PRUNE2: variants seen among roughly 807,000 people sequenced by gnomAD.
The protein encoded by PRUNE2 is prune homolog 2 with BCH domain, also known as protein prune homolog 2.
PRUNE2 carries 164 observed loss-of-function variants against 252.0 expected under a neutral mutation model. The observed-to-expected ratio is 0.65, with a 90% CI of 0.57 to 0.74. PRUNE2 has a LOEUF of 0.74. Among genes scored for constraint, PRUNE2 ranks in the 30% least tolerant of loss-of-function variants. The pLI is 0.00. For synonymous variants in PRUNE2, 1,292 were observed against 1,350.2 expected, an observed-to-expected ratio of 0.96 and a Z score of 0.94; for missense variants, 3,495 against 3,711.0, an observed-to-expected ratio of 0.94 and a Z score of 1.51.
intron 6 of PRUNE2, among the ~76,000 whole-genome samples, chr9:76,752,369 T>A (rs544858549): frequency 1.4e-4 from 21 of 152,230 alleles, no homozygotes; most frequent in African/African-American, 5.1e-4. Context: ...AGTGCTGGGA[T>A]TACAGGCGTG....
chr9:76,853,797 C>T (rs1210775044), intron 2 of PRUNE2, among the ~76,000 whole-genome samples: 1 of 152,156 alleles, frequency 6.6e-6, no homozygotes, highest in African/African-American at 2.4e-5. Flanking sequence ...TTTATTAGTT[C>T]TATGAATTTC....
At chr9:76,688,575 T>C (rs756299934) in intron 9 of PRUNE2, among the ~76,000 whole-genome samples, 8 of 152,192 alleles carry the variant, frequency 5.3e-5, no homozygotes, top group Non-Finnish European at 1.0e-4. Flanking sequence ...CTTTCTTCCG[T>C]GTCTGCAGTT....
intron 6 of PRUNE2, among the ~76,000 whole-genome samples, chr9:76,796,303 G>A (rs2056088139): frequency 6.6e-6 from 1 of 152,094 alleles, no homozygotes; most frequent in Non-Finnish European, 1.5e-5. Context: ...AAATGACAAG[G>A]GCTGATAAAA....
At chr9:76,720,473 C>T (rs2047537625) in intron 6 of PRUNE2, among the ~76,000 whole-genome samples, 1 of 152,138 alleles carries the variant, frequency 6.6e-6, no homozygotes, top group Non-Finnish European at 1.5e-5. Flanking sequence ...TTTCATGAGC[C>T]TTAGTTTCCT....
intron 9 of PRUNE2, among the ~76,000 whole-genome samples, chr9:76,676,878 A>G (rs1387129311): frequency 6.6e-6 from 1 of 152,214 alleles, no homozygotes; most frequent in Admixed American, 6.5e-5. Context: ...TTACCATTGA[A>G]AAAGAAAGCC....
Position 76,704,790 on chromosome 9 carries a change from G to T in PRUNE2, c.7484C>A (p.Pro2495Gln). Residue 2495 changes from proline (P) to glutamine (Q), a missense_variant, in exon 8 of 19, where the codon CCA becomes CAA. Pro to Gln is a moderately conservative substitution (Grantham distance 76). Transcript: ENST00000376718. ...TGGTGGTCCTATGTCTCCACCTGCT[G>T]GTAAATCAGAATTATCTGTTTCTAC... ...WEVETDNSDL[P>Q]AGGDIGPPNG... 6.4e-7 allele frequency: 1 copy of T among 1,570,540 alleles called. No individual in the cohort carries two copies. The highest frequency in any genetic ancestry group is 2.3e-5 in the East Asian group (1 of 43,090).
intron 1 of PRUNE2, among the ~76,000 whole-genome samples, chr9:76,858,566 C>T (rs936622897): frequency 5.9e-5 from 9 of 152,014 alleles, no homozygotes; most frequent in Non-Finnish European, 1.2e-4. Flanking sequence ...AATGAGAACA[C>T]ATAGACACAG....
At chr9:76,650,972 G>A (rs1215048551) in intron 11 of PRUNE2, among the ~76,000 whole-genome samples, 1 of 152,160 alleles carries the variant, frequency 6.6e-6, no homozygotes, top group Non-Finnish European at 1.5e-5. Flanking sequence ...TAGCAGGAAA[G>A]GAGCAGGAGC....
chr9:76,816,239 G>A (rs1160888239), intron 6 of PRUNE2, among the ~76,000 whole-genome samples: 2 of 151,244 alleles, frequency 1.3e-5, no homozygotes, highest in Non-Finnish European at 2.9e-5. Context: ...TTGGACATCT[G>A]TAGAAGGCAC....
At chr9:76,812,666 G>T (rs1013019301) in intron 6 of PRUNE2, among the ~76,000 whole-genome samples, 8 of 152,170 alleles carry the variant, frequency 5.3e-5, no homozygotes, top group African/African-American at 1.9e-4. Context: ...CCCTGTATAT[G>T]CCAGACTGTG....
At chr9:76,620,477 T>C (rs767535563) in intron 17 of PRUNE2, among the ~76,000 whole-genome samples, 3 of 152,124 alleles carry the variant, frequency 2.0e-5, no homozygotes, top group Non-Finnish European at 2.9e-5. Flanking sequence ...ACAAACACTA[T>C]TCTATTTAAA....
intron 6 of PRUNE2, chr9:76,787,341 T>A (rs886969950): frequency 5.9e-5 from 9 of 152,242 alleles, no homozygotes; most frequent in African/African-American, 2.2e-4. Context: ...TTTATTTGAT[T>A]TAGTTTCAAT....
At chr9:76,783,029 G>T (rs529366430) in intron 6 of PRUNE2, among the ~76,000 whole-genome samples, 16 of 152,268 alleles carry the variant, frequency 1.1e-4, no homozygotes, top group Admixed American at 8.5e-4. Context: ...TTCTTTTAAA[G>T]TGCCCAAAAC....
chr9:76,727,321 A>G (rs1000404932), intron 6 of PRUNE2, among the ~76,000 whole-genome samples: 1 of 152,256 alleles, frequency 6.6e-6, no homozygotes, highest in Non-Finnish European at 1.5e-5. Context: ...ACATAAAGCA[A>G]GACACATGGT....
intron 6 of PRUNE2, among the ~76,000 whole-genome samples, chr9:76,774,451 T>TTTTTTTATTTATTTATTTA (rs1564272358): frequency 1.2e-5 from 1 of 80,966 alleles, no homozygotes; most frequent in Non-Finnish European, 2.7e-5. Flanking sequence ...AGTTCAACCC[T>TTTTTTTATTTATTTATTTA]TTTTTTTTTT....
At position 76,613,809 on chromosome 9, in the gene PRUNE2, T is replaced by A. The variant is rs1411700384; in HGVS notation, c.*761A>T. 1 of 152,194 alleles carries A rather than the reference T, an allele frequency of 6.6e-6. No homozygotes were observed. The highest frequency in any genetic ancestry group is 1.5e-5 in the Non-Finnish European group (1 of 68,032). 9.4% of individuals were successfully genotyped at this position (152,194 alleles called of 1,614,324 possible). ...ACTTGAGTTCTTGGCACTTAAAAGG[T>A]AACCTCTGGAGCTGAGTTTATGGCC... On this transcript the variant is annotated 3_prime_UTR_variant, in exon 19 of 19. Coordinates refer to ENST00000376718, the MANE Select transcript of PRUNE2 (RefSeq NM_015225.3).
chr9:76,661,804 A>G (rs1397305071), intron 9 of PRUNE2, among the ~76,000 whole-genome samples: 1 of 152,196 alleles, frequency 6.6e-6, no homozygotes, highest in Admixed American at 6.5e-5. Context: ...ATATATAAGA[A>G]TATGGCAGAT....
chr9:76,766,381 T>A lies in PRUNE2; in HGVS notation c.757-52660A>T, dbSNP rs191667248. ...TGTGCCTTGTGGGAGAATACGTTAC[T>A]AATGGTCACTGGAAGAAAAGGAGTC... On this transcript the variant is annotated intron_variant, in intron 6 of 18. Transcript: ENST00000376718. 2.6e-5 allele frequency among the ~76,000 whole-genome samples: 4 copies of A among 152,258 alleles called. No individual in the cohort carries two copies. In the East Asian group the frequency reaches 7.7e-4, roughly 29 times the overall value.
At chr9:76,852,548 C>A (rs573913730) in intron 2 of PRUNE2, among the ~76,000 whole-genome samples, 2,215 of 152,308 alleles carry the variant, frequency 0.015, 53 homozygotes, top group African/African-American at 0.05. Context: ...GGGTCACACG[C>A]ATGAGGCAGA....
Sources: allele counts gnomAD v4.1 joint callset (sites outside exome capture counted in the v4.1 genomes callset), GRCh38; gene constraint gnomAD v4.1.1; transcripts MANE v1.5; gene names NCBI Gene and HGNC (gene_info 2026-07-23, HGNC 2026-07-21).